RBMS3: variants seen among roughly 807,000 people sequenced by gnomAD.
The protein encoded by RBMS3 is RNA-binding motif, single-stranded-interacting protein 3.
A neutral mutation model predicts 66.8 loss-of-function variants in RBMS3; 27 were observed. That is an observed-to-expected ratio of 0.40 (90% CI 0.30 to 0.56). The LOEUF is 0.56. Among genes scored for constraint, RBMS3 ranks in the 20% least tolerant of loss-of-function variants. The pLI, the probability that RBMS3 is intolerant of heterozygous loss-of-function variation, is 0.40. For missense variants in RBMS3, 513 were observed against 549.5 expected (o/e 0.93, Z 0.66); for synonymous variants, 188 against 183.0 (o/e 1.03, Z -0.22).
chr3:29,937,480 C>G (rs1233275848), intron 11 of RBMS3, among the ~76,000 whole-genome samples: 1 of 151,976 alleles, frequency 6.6e-6, no homozygotes, highest in Non-Finnish European at 1.5e-5. Flanking sequence ...TGAGAACTCA[C>G]TAATCTGTCC....
At position 30,010,203 on chromosome 3, in the gene RBMS3, T is replaced by TGTCA. The variant is rs901651106; in HGVS notation, c.*6342_*6345dup. 1 of 152,318 alleles carries TGTCA rather than the reference T, an allele frequency of 6.6e-6. No individual in the cohort carries two copies. Among genetic ancestry groups the TGTCA allele is most frequent in the East Asian group, 1.9e-4 (1 of 5,174 alleles). 9.4% of individuals were successfully genotyped at this position (152,318 alleles called of 1,614,324 possible). Reference sequence around the variant, plus strand: ...GCATTTTTGTACTGCTGTCTCTGACTGTCATGGAAAGTTCTGTAATTCTAA... The same window carrying TGTCA: ...GCATTTTTGTACTGCTGTCTCTGACTGTCAGTCATGGAAAGTTCTGTAATTCTAA... On this transcript the variant is annotated 3_prime_UTR_variant, in exon 15 of 15. Coordinates refer to ENST00000383767, the MANE Select transcript of RBMS3 (RefSeq NM_001003793.3).
chr3:29,960,896 G>A (rs911713989), intron 12 of RBMS3, among the ~76,000 whole-genome samples: 1 of 152,094 alleles, frequency 6.6e-6, no homozygotes, highest in Non-Finnish European at 1.5e-5. Flanking sequence ...TTCCTCCTTA[G>A]CCTCTGGTCC....
At chr3:29,931,509 A>G (rs2061124081) in intron 10 of RBMS3, among the ~76,000 whole-genome samples, 1 of 152,194 alleles carries the variant, frequency 6.6e-6, no homozygotes, top group Non-Finnish European at 1.5e-5. Flanking sequence ...CTGCACTACT[A>G]CGTTGGTTGG....
At chr3:29,488,008 C>G (rs986329512) in intron 2 of RBMS3, among the ~76,000 whole-genome samples, 1 of 152,124 alleles carries the variant, frequency 6.6e-6, no homozygotes, top group African/African-American at 2.4e-5. Flanking sequence ...TATTTAGCTT[C>G]TCATTTTTGC....
intron 1 of RBMS3, among the ~76,000 whole-genome samples, chr3:29,299,539 T>G (rs1266573923): frequency 6.6e-6 from 1 of 151,896 alleles, no homozygotes; most frequent in African/African-American, 2.4e-5. Flanking sequence ...AAGCGTGATT[T>G]CTACCAACTG....
At chr3:29,509,356 AC>A (rs1559422869) in intron 3 of RBMS3, among the ~76,000 whole-genome samples, 5 of 152,194 alleles carry the variant, frequency 3.3e-5, no homozygotes, top group African/African-American at 1.2e-4. Flanking sequence ...ACTAATAATG[AC>A]TAATATATAG....
chr3:29,879,797 G>T (rs2059693997), intron 7 of RBMS3, among the ~76,000 whole-genome samples: 1 of 144,310 alleles, frequency 6.9e-6, no homozygotes, highest in Admixed American at 7.0e-5. Flanking sequence ...TTCAACAATG[G>T]TTAAAAAAAA....
At chr3:29,384,745 A>T (rs991024972) in intron 1 of RBMS3, among the ~76,000 whole-genome samples, 1 of 152,204 alleles carries the variant, frequency 6.6e-6, no homozygotes, top group Non-Finnish European at 1.5e-5. Context: ...GGTAAAGCCA[A>T]TAAGTGGTTT....
At chr3:29,788,149 C>T (rs550215143) in intron 6 of RBMS3, among the ~76,000 whole-genome samples, 2 of 151,550 alleles carry the variant, frequency 1.3e-5, no homozygotes, top group African/African-American at 4.8e-5. Flanking sequence ...CAAGTACCCA[C>T]CCTTCTCTAA....
At chr3:29,815,241 A>T (rs756458366) in intron 6 of RBMS3, among the ~76,000 whole-genome samples, 1 of 152,158 alleles carries the variant, frequency 6.6e-6, no homozygotes, top group African/African-American at 2.4e-5. Flanking sequence ...CTACATTTCT[A>T]GGTTTCTTAT....
intron 4 of RBMS3, among the ~76,000 whole-genome samples, chr3:29,587,837 A>G (rs9869243): frequency 0.15 from 22,748 of 151,982 alleles, 1,955 homozygotes; most frequent in East Asian, 0.32. Flanking sequence ...ATTAAGTATC[A>G]TTAAATAGAA....
chr3:29,998,922 G>A (rs1474909953), intron 14 of RBMS3, among the ~76,000 whole-genome samples: 1 of 152,016 alleles, frequency 6.6e-6, no homozygotes, highest in Non-Finnish European at 1.5e-5. Context: ...TGACAAATGG[G>A]ATCTAATTAA....
intron 5 of RBMS3, among the ~76,000 whole-genome samples, chr3:29,744,068 G>C (rs990565684): frequency 1.3e-5 from 2 of 151,812 alleles, no homozygotes; most frequent in Admixed American, 1.3e-4. Flanking sequence ...GCTGATATGG[G>C]AACCACCCTT....
chr3:29,934,229 C>A (rs901414984), intron 10 of RBMS3: 1 of 151,854 alleles, frequency 6.6e-6, no homozygotes, highest in Non-Finnish European at 1.5e-5. Flanking sequence ...AAAAAGATAA[C>A]CTGTCTTGAG....
At chr3:29,661,975 G>C (rs1239513045) in intron 4 of RBMS3, among the ~76,000 whole-genome samples, 1 of 152,152 alleles carries the variant, frequency 6.6e-6, no homozygotes, top group Non-Finnish European at 1.5e-5. Context: ...CAAACATTGT[G>C]CATCCTCAGT....
At chr3:29,445,832 A>G (rs1403238710) in intron 2 of RBMS3, among the ~76,000 whole-genome samples, 1 of 152,162 alleles carries the variant, frequency 6.6e-6, no homozygotes, top group Non-Finnish European at 1.5e-5. Context: ...ACACAGTAGT[A>G]TCTCTTGAGA....
chr3:29,803,435 A>G (rs1377042032), intron 6 of RBMS3, among the ~76,000 whole-genome samples: 1 of 152,168 alleles, frequency 6.6e-6, no homozygotes, highest in Admixed American at 6.6e-5. Context: ...TCCCCATCAC[A>G]GCATAATATA....
Position 29,598,331 on chromosome 3 carries a change from A to G in RBMS3, c.399+11126A>G, listed in dbSNP as rs147224481. On this transcript the variant is annotated intron_variant, in intron 4 of 14. Transcript: ENST00000383767. ...GGCTTTATATATTCCCGAGGAAGCC[A>G]CTCCCAATTTCCCCATGAAATATGC... Among the ~76,000 whole-genome samples the G allele has an allele frequency of 5.1e-3, 770 of 152,178 alleles. 6 individuals are homozygous for G. The highest frequency in any genetic ancestry group is 6.6e-3 in the Non-Finnish European group (451 of 67,968).
chr3:29,570,206 A>C (rs927221587), intron 3 of RBMS3, among the ~76,000 whole-genome samples: 1 of 152,118 alleles, frequency 6.6e-6, no homozygotes, highest in African/African-American at 2.4e-5. Flanking sequence ...GTGAGTACAT[A>C]GTATGTATAT....
Sources: gnomAD v4.1 joint callset for allele counts (sites outside exome capture counted in the v4.1 genomes callset) on GRCh38, gnomAD v4.1.1 for gene constraint, MANE v1.5 for transcripts, NCBI Gene and HGNC (gene_info 2026-07-23, HGNC 2026-07-21) for gene names.